The following ATAD2B variants were observed in gnomAD, a reference collection of about 807,000 sequenced individuals.
The protein encoded by ATAD2B is ATPase family AAA domain-containing protein 2B.
Under a neutral mutation model 167.6 loss-of-function variants are expected in ATAD2B, and 40 were observed. That is an observed-to-expected ratio of 0.24 (90% CI 0.19 to 0.31). ATAD2B has a LOEUF of 0.31. ATAD2B is among the 10% of genes least tolerant of loss of function. The probability of loss-of-function intolerance (pLI) is 1.00; values close to 1 mark genes in which losing one functional copy is unlikely to be tolerated. For synonymous variants in ATAD2B, 579 were observed against 596.5 expected, an observed-to-expected ratio of 0.97 and a Z score of 0.43; for missense variants, 1,242 against 1,757.2, an observed-to-expected ratio of 0.71 and a Z score of 5.24.
chr2:23,737,037 C>T, the ATAD2B span, among the ~76,000 whole-genome samples: 14 of 152,226 alleles, frequency 9.2e-5, no homozygotes, highest in African/African-American at 1.7e-4. Flanking sequence ...ATTAGGTAAA[C>T]AAAGCAGCCT....
intron 17 of ATAD2B, 23 bp downstream of exon 17, chr2:23,819,724 G>T (rs1159928987): frequency 6.5e-7 from 1 of 1,541,300 alleles, no homozygotes; most frequent in Admixed American, 1.9e-5. Context: ...TAAATACAAA[G>T]AAAGTTGATA....
At chr2:23,765,088 T>A (rs1288549373) in intron 23 of ATAD2B, among the ~76,000 whole-genome samples, 1 of 152,224 alleles carries the variant, frequency 6.6e-6, no homozygotes, top group African/African-American at 2.4e-5. Context: ...CAATTGCTAA[T>A]TCTGTGTTTC....
intron 1 of ATAD2B, 74 bp from the exon 2 acceptor site, chr2:23,896,044 C>A: frequency 7.9e-7 from 1 of 1,260,104 alleles, no homozygotes; most frequent in East Asian, 2.7e-5. Flanking sequence ...AGGGGCCAGG[C>A]AGTGGCTCAC....
At chr2:23,678,170 C>T in the ATAD2B span, among the ~76,000 whole-genome samples, 1 of 152,194 alleles carries the variant, frequency 6.6e-6, no homozygotes, top group Non-Finnish European at 1.5e-5. Flanking sequence ...ACTTCATCTC[C>T]AGCCTTGGTT....
intron 19 of ATAD2B, among the ~76,000 whole-genome samples, chr2:23,797,361 C>G (rs184227069): frequency 1.0e-3 from 157 of 152,144 alleles, no homozygotes; most frequent in Non-Finnish European, 1.6e-3. Flanking sequence ...TCTGAATCAA[C>G]TATGATTTTA....
chr2:23,790,894 T>C (rs1012335430), intron 19 of ATAD2B, among the ~76,000 whole-genome samples: 24 of 152,216 alleles, frequency 1.6e-4, no homozygotes, highest in African/African-American at 5.8e-4. Context: ...TGTGTAGCCA[T>C]CACAAGCACA....
intron 25 of ATAD2B, among the ~76,000 whole-genome samples, chr2:23,757,203 C>T (rs1485924109): frequency 6.6e-6 from 1 of 152,046 alleles, no homozygotes; most frequent in Non-Finnish European, 1.5e-5. Flanking sequence ...AACGATACAC[C>T]CTCTGAAACT....
chr2:23,887,746 G>T, intron 4 of ATAD2B, 86 bp downstream of exon 4: 2 of 1,237,520 alleles, frequency 1.6e-6, no homozygotes, highest in Non-Finnish European at 2.2e-6. Context: ...TGATTGCTAA[G>T]TCGTTGCTTA....
At chr2:23,697,294 ACAG>A in the ATAD2B span, 4 of 152,338 alleles carry the variant, frequency 2.6e-5, no homozygotes, top group South Asian at 8.3e-4. Flanking sequence ...GTTCTTTCTT[ACAG>A]AGAACAGATG....
intron 21 of ATAD2B, 189 bp downstream of exon 21, chr2:23,785,838 G>A (rs955653128): frequency 6.8e-5 from 33 of 482,536 alleles, no homozygotes; most frequent in Middle Eastern, 5.4e-4. Context: ...TAAATTGGTC[G>A]CTAATTTCAT....
chr2:23,740,093 T>G, the ATAD2B span, among the ~76,000 whole-genome samples: 1 of 152,136 alleles, frequency 6.6e-6, no homozygotes, highest in South Asian at 2.1e-4. Flanking sequence ...CAGGACCAGA[T>G]GGATTCACAG....
At chr2:23,774,472 A>G (rs1398846254) in intron 22 of ATAD2B, among the ~76,000 whole-genome samples, 3 of 152,236 alleles carry the variant, frequency 2.0e-5, no homozygotes, top group African/African-American at 7.2e-5. Context: ...AACAAAAAAC[A>G]GAAAAACATT....
intron 19 of ATAD2B, among the ~76,000 whole-genome samples, chr2:23,791,322 T>C (rs1350947867): frequency 1.3e-5 from 2 of 152,192 alleles, no homozygotes; most frequent in Non-Finnish European, 1.5e-5. Flanking sequence ...TGCTGAGTCA[T>C]ACCATAAATT....
At chr2:23,909,637 T>C (rs991647640) in intron 1 of ATAD2B, among the ~76,000 whole-genome samples, 12 of 151,920 alleles carry the variant, frequency 7.9e-5, no homozygotes, top group Non-Finnish European at 1.2e-4. Flanking sequence ...GCTTTAACAG[T>C]GGTTATCCCT....
At chr2:23,907,845 A>G (rs1169214322) in intron 1 of ATAD2B, among the ~76,000 whole-genome samples, 2 of 152,214 alleles carry the variant, frequency 1.3e-5, no homozygotes, top group Non-Finnish European at 2.9e-5. Flanking sequence ...CATATCTACA[A>G]TTATCTGATC....
intron 12 of ATAD2B, among the ~76,000 whole-genome samples, chr2:23,859,131 C>T (rs1036742424): frequency 3.9e-5 from 6 of 151,948 alleles, no homozygotes; most frequent in Non-Finnish European, 8.8e-5. Flanking sequence ...TTGACCTTTG[C>T]TAATTTTTTA....
Position 23,864,835 on chromosome 2 carries a change from A to T in ATAD2B, c.1278T>A (p.Phe426Leu). Reference protein sequence around the residue: ...VVFPLLYPEIFEKFKIQPPRG... With the variant: ...VVFPLLYPEILEKFKIQPPRG... Reference sequence around the variant, plus strand: ...TTGGAGGCTGAATTTTAAACTTTTCAAAAATTTCTGGATATAAAAGTGGGA... The same window carrying T: ...TTGGAGGCTGAATTTTAAACTTTTCTAAAATTTCTGGATATAAAAGTGGGA... The change falls in exon 11 of 28, where the codon TTT becomes TTA. Residue 426 changes from phenylalanine to leucine, a missense_variant. By Grantham distance (22) the Phe-to-Leu change is conservative (BLOSUM62 0). Around this residue, in one of 9 missense-constraint regions of ATAD2B, gnomAD observed 151 missense variants for 284.1 expected, o/e 0.53. Coordinates refer to ENST00000238789, the MANE Select transcript of ATAD2B (RefSeq NM_017552.4). The T allele has an allele frequency of 6.3e-7, 1 of 1,586,928 alleles. No individual in the cohort carries two copies. The highest frequency in any genetic ancestry group is 8.6e-7 in the Non-Finnish European group (1 of 1,166,684).
At chr2:23,924,110 G>GA (rs909794635) in intron 1 of ATAD2B, among the ~76,000 whole-genome samples, 2 of 152,030 alleles carry the variant, frequency 1.3e-5, no homozygotes, top group South Asian at 2.1e-4. Context: ...GTGAACCCCG[G>GA]GGGGCGGAGC....
chr2:23,910,695 C>A (rs1439417451), intron 1 of ATAD2B, among the ~76,000 whole-genome samples: 1 of 150,002 alleles, frequency 6.7e-6, no homozygotes, highest in African/African-American at 2.5e-5. Flanking sequence ...TGATGAAAGT[C>A]CTTCTCTGCT....
Sources: gnomAD v4.1 joint callset for allele counts (sites outside exome capture counted in the v4.1 genomes callset) on GRCh38, gnomAD v4.1.1 for gene constraint, gnomAD v4.1.1 regional missense constraint, MANE v1.5 for transcripts, NCBI Gene and HGNC (gene_info 2026-07-23, HGNC 2026-07-21) for gene names.